PDE10A: variants seen among roughly 807,000 people sequenced by gnomAD.
The protein encoded by PDE10A is cAMP and cAMP-inhibited cGMP 3',5'-cyclic phosphodiesterase 10A.
PDE10A carries 39 observed loss-of-function variants against 97.7 expected under a neutral mutation model. That is an observed-to-expected ratio of 0.40 (90% CI 0.31 to 0.52). PDE10A has a LOEUF of 0.52. Ranked by LOEUF, PDE10A falls within the 20% of genes least tolerant of loss-of-function variation. PDE10A has a pLI of 0.56. For missense variants in PDE10A, 731 were observed against 1,047.8 expected (o/e 0.70, Z 4.17); for synonymous variants, 371 against 376.8 (o/e 0.98, Z 0.18).
chr6:165,483,331 C>A (rs944282668), intron 2 of PDE10A, among the ~76,000 whole-genome samples: 1 of 152,154 alleles, frequency 6.6e-6, no homozygotes, highest in Non-Finnish European at 1.5e-5. Context: ...ATCAACAGTA[C>A]CTAGTTTTTG....
At chr6:165,722,101 T>C (rs371684392) in intron 1 of PDE10A, among the ~76,000 whole-genome samples, 74 of 152,382 alleles carry the variant, frequency 4.9e-4, no homozygotes, top group Middle Eastern at 3.4e-3. Flanking sequence ...TGGCACAGAA[T>C]TACTTACGTG....
chr6:165,721,452 C>G (rs1389433420), intron 1 of PDE10A, among the ~76,000 whole-genome samples: 1 of 152,170 alleles, frequency 6.6e-6, no homozygotes, highest in Non-Finnish European at 1.5e-5. Context: ...AAGAGAATTT[C>G]CTGAGAACTG....
intron 1 of PDE10A, among the ~76,000 whole-genome samples, chr6:165,659,159 T>C (rs1790109971): frequency 6.6e-6 from 1 of 152,104 alleles, no homozygotes; most frequent in African/African-American, 2.4e-5. Context: ...TCATACCCTC[T>C]ACACATGATT....
intron 1 of PDE10A, among the ~76,000 whole-genome samples, chr6:165,654,561 T>C (rs2128427149): frequency 6.6e-6 from 1 of 152,308 alleles, no homozygotes; most frequent in African/African-American, 2.4e-5. Context: ...GTCCCCACAT[T>C]CTACTCGCCC....
chr6:165,707,460 G>A (rs963734517), intron 1 of PDE10A, among the ~76,000 whole-genome samples: 1 of 152,206 alleles, frequency 6.6e-6, no homozygotes, highest in Non-Finnish European at 1.5e-5. Flanking sequence ...TTGAGAAACC[G>A]CAGTTTTCAT....
intron 1 of PDE10A, among the ~76,000 whole-genome samples, chr6:165,857,455 C>G (rs776787694): frequency 3.9e-5 from 6 of 152,220 alleles, no homozygotes; most frequent in Admixed American, 1.3e-4. Flanking sequence ...ATTTCATCCA[C>G]TGTTTTCTCT....
chr6:165,654,274 C>T (rs1007496255), intron 1 of PDE10A, among the ~76,000 whole-genome samples: 1 of 152,136 alleles, frequency 6.6e-6, no homozygotes, highest in Admixed American at 6.5e-5. Context: ...CCTCATTGTC[C>T]TGTTCCTAGC....
At chr6:165,590,360 C>G (rs1786177437) in intron 1 of PDE10A, among the ~76,000 whole-genome samples, 1 of 152,158 alleles carries the variant, frequency 6.6e-6, no homozygotes, top group Non-Finnish European at 1.5e-5. Context: ...TGGCAAAGCT[C>G]AATTAAAACC....
chr6:165,493,424 C>G (rs1001355460), intron 2 of PDE10A, among the ~76,000 whole-genome samples: 1 of 151,950 alleles, frequency 6.6e-6, no homozygotes, highest in Non-Finnish European at 1.5e-5. Context: ...TCACATTATC[C>G]AACTTCAAAC....
At chr6:165,396,550 T>A (rs1786178124) in intron 13 of PDE10A, 91 bp from the exon 14 acceptor site, 2 of 1,296,922 alleles carry the variant, frequency 1.5e-6, no homozygotes, top group Non-Finnish European at 2.1e-6. Flanking sequence ...TATTAAAGAA[T>A]CAGAACTAGA....
At chr6:165,769,729 T>C (rs1209408491) in intron 1 of PDE10A, among the ~76,000 whole-genome samples, 2 of 152,190 alleles carry the variant, frequency 1.3e-5, no homozygotes, top group Non-Finnish European at 1.5e-5. Flanking sequence ...GCATCTGACA[T>C]CTAAACCAAA....
At chr6:165,789,933 G>A (rs1044630298) in intron 1 of PDE10A, among the ~76,000 whole-genome samples, 9 of 152,184 alleles carry the variant, frequency 5.9e-5, no homozygotes, top group African/African-American at 2.2e-4. Context: ...ATAAGAAAGA[G>A]ACGGGATGGT....
At chr6:165,923,082 A>G (rs111582805) in intron 1 of PDE10A, among the ~76,000 whole-genome samples, 4 of 152,368 alleles carry the variant, frequency 2.6e-5, no homozygotes, top group African/African-American at 9.6e-5. Flanking sequence ...AGATGGAGAA[A>G]GGAAACCAAG....
chr6:165,854,430 C>G (rs1364077955), intron 1 of PDE10A, among the ~76,000 whole-genome samples: 5 of 152,128 alleles, frequency 3.3e-5, no homozygotes, highest in African/African-American at 1.2e-4. Context: ...TGCTGTGAGC[C>G]GCAAGACGTT....
intron 1 of PDE10A, among the ~76,000 whole-genome samples, chr6:165,855,577 A>G (rs1213752033): frequency 7.0e-6 from 1 of 143,062 alleles, no homozygotes; most frequent in African/African-American, 2.5e-5. Context: ...GTTAACATCC[A>G]CTTTCCTCAT....
At chr6:165,723,977 G>T (rs1430627613) in intron 1 of PDE10A, among the ~76,000 whole-genome samples, 2 of 152,094 alleles carry the variant, frequency 1.3e-5, no homozygotes, top group Non-Finnish European at 2.9e-5. Flanking sequence ...TTATGTAAGC[G>T]ATTCCACAAT....
At chr6:165,905,207 A>G (rs952143472) in intron 1 of PDE10A, among the ~76,000 whole-genome samples, 3 of 152,214 alleles carry the variant, frequency 2.0e-5, no homozygotes, top group Non-Finnish European at 2.9e-5. Context: ...CCATAACCTT[A>G]CTAATTTCAA....
intron 2 of PDE10A, among the ~76,000 whole-genome samples, chr6:165,486,280 T>C (rs1423583574): frequency 6.6e-6 from 1 of 152,208 alleles, no homozygotes; most frequent in Non-Finnish European, 1.5e-5. Context: ...ACTATTCTAG[T>C]CTGTGAATGA....
chr6:165,355,143 T>A (rs1373540497), intron 18 of PDE10A, among the ~76,000 whole-genome samples: 1 of 152,182 alleles, frequency 6.6e-6, no homozygotes, highest in African/African-American at 2.4e-5. Flanking sequence ...AATCGACATC[T>A]TAAGAACAAA....
Sources: gnomAD v4.1 joint callset for allele counts (sites outside exome capture counted in the v4.1 genomes callset) on GRCh38, gnomAD v4.1.1 for gene constraint, MANE v1.5 for transcripts, NCBI Gene and HGNC (gene_info 2026-07-23, HGNC 2026-07-21) for gene names.